RGS6: variants seen among roughly 807,000 people sequenced by gnomAD.
RGS6 encodes the protein regulator of G protein signaling 6.
Under a neutral mutation model 78.5 loss-of-function variants are expected in RGS6, and 30 were observed. That is an observed-to-expected ratio of 0.38 (90% CI 0.29 to 0.52). The LOEUF (loss-of-function observed/expected upper bound fraction) is 0.52. RGS6 is among the 20% of genes least tolerant of loss of function. The pLI, the probability that RGS6 is intolerant of heterozygous loss-of-function variation, is 0.85. For missense variants in RGS6, 495 were observed against 609.7 expected (o/e 0.81, Z 1.98); for synonymous variants, 206 against 206.0 (o/e 1.00, Z 0.00).
At chr14:71,978,670 T>G (rs1440185629) in intron 2 of RGS6, among the ~76,000 whole-genome samples, 3 of 151,012 alleles carry the variant, frequency 2.0e-5, no homozygotes, top group African/African-American at 7.3e-5. Context: ...TTTGCCAGTA[T>G]TTTATTGAGG....
At chr14:72,293,380 G>A (rs1289694580) in intron 2 of RGS6, among the ~76,000 whole-genome samples, 2 of 152,166 alleles carry the variant, frequency 1.3e-5, no homozygotes, top group South Asian at 2.1e-4. Flanking sequence ...AGAACAATTC[G>A]AGGTGCAGGA....
intron 2 of RGS6, among the ~76,000 whole-genome samples, chr14:72,292,734 T>C (rs1430405892): frequency 6.6e-6 from 1 of 152,184 alleles, no homozygotes; most frequent in Non-Finnish European, 1.5e-5. Context: ...CTTAAGAGCA[T>C]AAAAAGTGGA....
At chr14:72,518,328 C>A (rs1567036617) in intron 14 of RGS6, 23 bp from the exon 15 acceptor site, 1 of 1,608,492 alleles carries the variant, frequency 6.2e-7, no homozygotes. Context: ...CTGGAACTGA[C>A]TGTGTTTCTG....
intron 3 of RGS6, among the ~76,000 whole-genome samples, chr14:72,366,184 T>A (rs2082414818): frequency 6.6e-6 from 1 of 152,274 alleles, no homozygotes; most frequent in Non-Finnish European, 1.5e-5. Context: ...CCCACCAATA[T>A]GTAAGGGAAA....
chr14:72,449,437 T>C (rs2095440874), intron 3 of RGS6, among the ~76,000 whole-genome samples: 2 of 152,176 alleles, frequency 1.3e-5, no homozygotes, highest in African/African-American at 4.8e-5. Flanking sequence ...TGTTTTATAC[T>C]AGGATCTCCT....
intron 3 of RGS6, among the ~76,000 whole-genome samples, chr14:72,389,390 TCA>T (rs2089303789): frequency 6.6e-6 from 1 of 152,194 alleles, no homozygotes; most frequent in Non-Finnish European, 1.5e-5. Context: ...ATGCCAGGAC[TCA>T]CTCTTGGTCT....
chr14:72,307,806 A>C, intron 2 of RGS6, among the ~76,000 whole-genome samples: 1 of 152,208 alleles, frequency 6.6e-6, no homozygotes, highest in East Asian at 1.9e-4. Context: ...TACTAAAGTA[A>C]GAAGAATTGA....
intron 2 of RGS6, among the ~76,000 whole-genome samples, chr14:71,995,629 G>A (rs1437834671): frequency 6.6e-6 from 1 of 152,210 alleles, no homozygotes; most frequent in Non-Finnish European, 1.5e-5. Flanking sequence ...AGAATTAAAT[G>A]ATTTAATGCG....
chr14:72,139,850 C>T (rs1274168576), intron 2 of RGS6, among the ~76,000 whole-genome samples: 2 of 151,640 alleles, frequency 1.3e-5, no homozygotes, highest in Non-Finnish European at 2.9e-5. Context: ...TTTTTTTCCA[C>T]CTCTTGGTAT....
At chr14:72,486,418 G>C (rs2096489382) in intron 12 of RGS6, among the ~76,000 whole-genome samples, 1 of 152,114 alleles carries the variant, frequency 6.6e-6, no homozygotes, top group African/African-American at 2.4e-5. Flanking sequence ...GGCAGCTCCT[G>C]AAGTAGCCTT....
At chr14:72,430,315 C>T in intron 3 of RGS6, among the ~76,000 whole-genome samples, 1 of 152,222 alleles carries the variant, frequency 6.6e-6, no homozygotes, top group East Asian at 1.9e-4. Context: ...TTAAAACCCT[C>T]CAGTCATTAT....
At chr14:71,983,229 A>G (rs1263293445) in intron 2 of RGS6, among the ~76,000 whole-genome samples, 2 of 152,190 alleles carry the variant, frequency 1.3e-5, no homozygotes, top group Non-Finnish European at 2.9e-5. Flanking sequence ...ACCACAGCCT[A>G]GTTATGTAAA....
At chr14:72,035,244 G>A (rs2091513998) in intron 2 of RGS6, among the ~76,000 whole-genome samples, 1 of 151,974 alleles carries the variant, frequency 6.6e-6, no homozygotes, top group African/African-American at 2.4e-5. Context: ...TATGTTTGTA[G>A]GAATTTATTC....
chr14:72,397,756 ATG>A (rs2091672561), intron 3 of RGS6, among the ~76,000 whole-genome samples: 3 of 152,302 alleles, frequency 2.0e-5, no homozygotes, highest in Admixed American at 6.5e-5. Flanking sequence ...GTTTTTTAGC[ATG>A]AAGCGTTGTT....
At chr14:72,500,762 C>A (rs751755228) in intron 13 of RGS6, among the ~76,000 whole-genome samples, 1 of 152,050 alleles carries the variant, frequency 6.6e-6, no homozygotes, top group Non-Finnish European at 1.5e-5. Context: ...ATTCTCTGTT[C>A]CTGAGAGGGG....
intron 2 of RGS6, among the ~76,000 whole-genome samples, chr14:71,983,992 G>A (rs1443110047): frequency 1.3e-5 from 2 of 152,184 alleles, no homozygotes; most frequent in Non-Finnish European, 2.9e-5. Flanking sequence ...GTGGCACACA[G>A]TCTCTGTCCT....
At chr14:72,152,037 T>G (rs1301811493) in intron 2 of RGS6, among the ~76,000 whole-genome samples, 5 of 152,108 alleles carry the variant, frequency 3.3e-5, no homozygotes, top group African/African-American at 4.8e-5. Flanking sequence ...CTCCATCAAA[T>G]GGGGATAATA....
chr14:72,474,081 G>A (rs1237769012), intron 9 of RGS6: 2 of 152,200 alleles, frequency 1.3e-5, no homozygotes, highest in African/African-American at 2.4e-5. Context: ...GCTACTCAAG[G>A]TACAACTACT....
chr14:72,230,494 A>G (rs530507833), intron 2 of RGS6, among the ~76,000 whole-genome samples: 1 of 152,312 alleles, frequency 6.6e-6, no homozygotes, highest in South Asian at 2.1e-4. Flanking sequence ...GAGGACTGCT[A>G]AGAGATATTG....
Sources: gnomAD v4.1 joint callset for allele counts (sites outside exome capture counted in the v4.1 genomes callset) on GRCh38, gnomAD v4.1.1 for gene constraint, MANE v1.5 for transcripts, NCBI Gene and HGNC (gene_info 2026-07-23, HGNC 2026-07-21) for gene names.